The following RCSD1 variants were observed in gnomAD, a reference collection of about 807,000 sequenced individuals.
RCSD1 encodes capZ-interacting protein.
A neutral mutation model predicts 42.5 loss-of-function variants in RCSD1; 26 were observed. That is an observed-to-expected ratio of 0.61 (90% CI 0.45 to 0.85). RCSD1 has a LOEUF of 0.85. RCSD1 is among the 40% of genes least tolerant of loss of function. The pLI is 0.00. For synonymous variants in RCSD1, 220 were observed against 212.2 expected (o/e 1.04, Z -0.32); for missense variants, 571 against 528.3 (o/e 1.08, Z -0.79).
At chr1:167,701,202 C>G (rs4656550) in intron 6 of RCSD1, among the ~76,000 whole-genome samples, 1 of 151,784 alleles carries the variant, frequency 6.6e-6, no homozygotes, top group Admixed American at 6.6e-5. Context: ...CTTTTCCTCT[C>G]GGTCATCTCT....
intron 1 of RCSD1, among the ~76,000 whole-genome samples, chr1:167,668,323 T>G (rs1658711189): frequency 1.3e-5 from 2 of 151,984 alleles, no homozygotes; most frequent in South Asian, 4.2e-4. Context: ...AGCCACATCT[T>G]CTTTCAGTTC....
chr1:167,647,960 T>C (rs937879972), intron 1 of RCSD1, among the ~76,000 whole-genome samples: 1 of 152,184 alleles, frequency 6.6e-6, no homozygotes, highest in Non-Finnish European at 1.5e-5. Flanking sequence ...CTCAATTATA[T>C]CCCTTTTATT....
intron 1 of RCSD1, among the ~76,000 whole-genome samples, chr1:167,653,934 G>A (rs1464697979): frequency 6.6e-6 from 1 of 152,202 alleles, no homozygotes; most frequent in Non-Finnish European, 1.5e-5. Context: ...CTGGTGGGAA[G>A]AGCAGGGGCC....
At chr1:167,660,105 A>G (rs1472562237) in intron 1 of RCSD1, among the ~76,000 whole-genome samples, 1 of 152,182 alleles carries the variant, frequency 6.6e-6, no homozygotes, top group Non-Finnish European at 1.5e-5. Flanking sequence ...AATAGCTTGC[A>G]TTTGTTGAAC....
rs776775538 is a variant in RCSD1 at position 167,642,747 on chromosome 1, GA to G, written c.6+12320del. ...GAATGCACTCCCCCTTGGTGAAAGGGAATCTATGTCTTTTTTCTACATGCAG... is the reference window on the plus strand; with the variant it reads ...GAATGCACTCCCCCTTGGTGAAAGGGATCTATGTCTTTTTTCTACATGCAG... On this transcript the variant is annotated intron_variant, in intron 1 of 6. Coordinates refer to ENST00000367854, the MANE Select transcript of RCSD1 (RefSeq NM_052862.4). 1.1e-3 allele frequency among the ~76,000 whole-genome samples: 169 copies of G among 152,110 alleles called. 2 individuals carry two copies. Among genetic ancestry groups the G allele is most frequent in the Non-Finnish European group, 4.9e-4 (33 of 68,028 alleles).
chr1:167,662,118 C>T (rs1658553411), intron 1 of RCSD1, among the ~76,000 whole-genome samples: 2 of 152,142 alleles, frequency 1.3e-5, no homozygotes, highest in South Asian at 4.1e-4. Context: ...TTCTTAGAGC[C>T]CCTGCTTCCT....
At chr1:167,646,795 T>C (rs1229382) in intron 1 of RCSD1, among the ~76,000 whole-genome samples, 117,623 of 152,134 alleles carry the variant, frequency 0.77, 45,808 homozygotes, top group African/African-American at 0.87. Context: ...TCGGAACTTC[T>C]GGGGCATCGC....
chr1:167,655,222 C>T (rs1006834289), intron 1 of RCSD1, among the ~76,000 whole-genome samples: 1 of 152,158 alleles, frequency 6.6e-6, no homozygotes, highest in African/African-American at 2.4e-5. Context: ...CTTAGGCATC[C>T]GGATAGCTTG....
intron 1 of RCSD1, among the ~76,000 whole-genome samples, chr1:167,681,016 C>G (rs1659070138): frequency 6.6e-6 from 1 of 152,202 alleles, no homozygotes; most frequent in Non-Finnish European, 1.5e-5. Context: ...GGGTTAGCAG[C>G]TGTACCTGCC....
intron 1 of RCSD1, among the ~76,000 whole-genome samples, chr1:167,655,327 C>G (rs534571000): frequency 7.2e-5 from 11 of 152,144 alleles, no homozygotes; most frequent in Non-Finnish European, 1.2e-4. Flanking sequence ...AACCAGATAT[C>G]GCTTTGTTTG....
chr1:167,672,174 C>A (rs74120621), intron 1 of RCSD1, among the ~76,000 whole-genome samples: 1 of 152,202 alleles, frequency 6.6e-6, no homozygotes, highest in Non-Finnish European at 1.5e-5. Context: ...ACATACTATA[C>A]ATTCACTTGC....
intron 5 of RCSD1, among the ~76,000 whole-genome samples, 194 bp downstream of exon 5, chr1:167,694,496 G>A (rs1324514591): frequency 2.0e-5 from 3 of 152,044 alleles, no homozygotes; most frequent in African/African-American, 2.4e-5. Context: ...CTTTTTCCTC[G>A]ACTGACTGGC....
rs937005523 is a variant in RCSD1 at position 167,707,333 on chromosome 1, A to G, written c.*2637A>G. ...TGCGTGAAAAGGCAACCAGTTCATC[A>G]TCTTATGATTAGGTTTTCTTGATTA... On this transcript the variant is annotated 3_prime_UTR_variant, in exon 7 of 7. Coordinates refer to ENST00000367854, the MANE Select transcript of RCSD1 (RefSeq NM_052862.4). Among the ~76,000 whole-genome samples, 1 of 152,260 alleles carries G rather than the reference A, an allele frequency of 6.6e-6. No homozygotes were observed. The highest frequency in any genetic ancestry group is 1.5e-5 in the Non-Finnish European group (1 of 68,046).
chr1:167,691,852 A>G (rs1009153568), intron 4 of RCSD1, among the ~76,000 whole-genome samples: 2 of 152,170 alleles, frequency 1.3e-5, no homozygotes, highest in African/African-American at 4.8e-5. Context: ...CTGTCACTCC[A>G]GGAGGCTGCA....
chr1:167,692,027 T>C (rs1365648791), intron 4 of RCSD1, among the ~76,000 whole-genome samples: 1 of 152,204 alleles, frequency 6.6e-6, no homozygotes, highest in Admixed American at 6.5e-5. Flanking sequence ...AAATGTTCTG[T>C]ACCCTGTAGT....
intron 1 of RCSD1, among the ~76,000 whole-genome samples, chr1:167,681,325 G>A (rs1328508047): frequency 6.6e-6 from 1 of 152,162 alleles, no homozygotes; most frequent in Admixed American, 6.5e-5. Flanking sequence ...GTGCCTGGAG[G>A]GCAGACGGTA....
chr1:167,668,018 T>A (rs1229367), intron 1 of RCSD1, among the ~76,000 whole-genome samples: 1 of 151,880 alleles, frequency 6.6e-6, no homozygotes, highest in African/African-American at 2.4e-5. Flanking sequence ...GGGCCAGGTG[T>A]GATGGCTCAC....
intron 1 of RCSD1, among the ~76,000 whole-genome samples, chr1:167,677,250 T>C (rs577858379): frequency 1.4e-4 from 21 of 152,316 alleles, no homozygotes; most frequent in Admixed American, 9.1e-4. Flanking sequence ...CATTCTACAG[T>C]GTCTACAGAT....
intron 1 of RCSD1, among the ~76,000 whole-genome samples, chr1:167,674,525 T>C (rs529598042): frequency 6.6e-6 from 1 of 152,324 alleles, no homozygotes; most frequent in Admixed American, 6.5e-5. Flanking sequence ...ATGAAATACT[T>C]TTTGGTATGT....
Sources: allele counts gnomAD v4.1 joint callset (sites outside exome capture counted in the v4.1 genomes callset), GRCh38; gene constraint gnomAD v4.1.1; transcripts MANE v1.5; gene names NCBI Gene and HGNC (gene_info 2026-07-23, HGNC 2026-07-21).